The following RBM20 variants were observed in gnomAD, a reference collection of about 807,000 sequenced individuals.
RBM20 encodes the protein RNA-binding protein 20.
Under a neutral mutation model 110.1 loss-of-function variants are expected in RBM20, and 51 were observed. The ratio of observed to expected loss-of-function variants is 0.46; its 90% CI spans 0.37 to 0.59. The LOEUF (loss-of-function observed/expected upper bound fraction) is 0.59, where lower values mean the gene tolerates loss of function less well. Among genes scored for constraint, RBM20 ranks in the 20% least tolerant of loss-of-function variants. The pLI is 0.00. For synonymous variants in RBM20, 589 were observed against 618.2 expected, an observed-to-expected ratio of 0.95 and a Z score of 0.70; for missense variants, 1,512 against 1,574.9, an observed-to-expected ratio of 0.96 and a Z score of 0.68.
In RBM20 at chr10:110,705,004, T is replaced by C. The variant is rs1862814996; in HGVS notation, c.191+60359T>C. ...AGTGATAAATCCCTTTGAAAGGGTA[T>C]ACTTTTCTTACAAGAAGAAAACAGA... is the stretch of plus-strand genomic sequence containing the variant. On this transcript the variant is annotated intron_variant, in intron 1 of 13. Transcript: ENST00000369519. Among the ~76,000 whole-genome samples, 3 of 152,264 alleles carry C rather than the reference T, an allele frequency of 2.0e-5. No individual in the cohort carries two copies. The South Asian group carries it at 6.2e-4, about 31-fold the overall frequency.
At chr10:110,771,142 A>ACTC (rs1223417683) in intron 1 of RBM20, among the ~76,000 whole-genome samples, 1 of 152,076 alleles carries the variant, frequency 6.6e-6, no homozygotes, top group Admixed American at 6.6e-5. Flanking sequence ...TCCATGGATA[A>ACTC]ATTTTTTTTT....
intron 1 of RBM20, among the ~76,000 whole-genome samples, chr10:110,776,266 CT>C: frequency 1.3e-5 from 2 of 152,344 alleles, no homozygotes; most frequent in East Asian, 3.9e-4. Context: ...CTACCACCGC[CT>C]CTCTAGTGGA....
intron 1 of RBM20, among the ~76,000 whole-genome samples, chr10:110,659,686 C>G (rs1273857045): frequency 6.6e-6 from 1 of 151,688 alleles, no homozygotes; most frequent in Admixed American, 6.6e-5. Context: ...AAGCTAGCAT[C>G]TGCCTATTTC....
At position 110,821,592 on chromosome 10, in the gene RBM20, T is replaced by C. The variant is rs778327777; in HGVS notation, c.2973T>C (p.Cys991=). The C allele has an allele frequency of 3.9e-6, 6 of 1,551,192 alleles. No homozygotes were observed. In the South Asian group the frequency reaches 7.1e-5, roughly 18 times the overall value. The change falls in exon 11 of 14, where the codon TGT becomes TGC. Residue 991 remains cysteine, a synonymous_variant. Coordinates refer to ENST00000369519, the MANE Select transcript of RBM20 (RefSeq NM_001134363.3). ...PRELPSASTS[C]PSDMDVEMPG... is the part of the protein sequence containing the mutation. ...AACTGCCCTCTGCTTCCACAAGCTG[T>C]CCCAGTGACATGGACGTGGAAATGC...
rs763402294 is a variant in RBM20, at chr10:110,785,368, C to CT, written c.1527+480dup. Among the ~76,000 whole-genome samples the CT allele has an allele frequency of 5.3e-5, 8 of 152,226 alleles. No homozygotes were observed. In the East Asian group the frequency reaches 5.8e-4, roughly 11 times the overall value. The stretch of plus-strand genomic sequence containing the variant: ...GACCAGAAGTGAGGTGAGCATGTGA[C>CT]TCAGGCAGCCAAGGAGATCATCACA... On this transcript the variant is annotated intron_variant, in intron 5 of 13. Transcript: ENST00000369519.
intron 1 of RBM20, among the ~76,000 whole-genome samples, chr10:110,651,515 C>T (rs1861948852): frequency 1.3e-5 from 2 of 152,192 alleles, no homozygotes; most frequent in Non-Finnish European, 2.9e-5. Flanking sequence ...GAAAGTAGCA[C>T]TTTCAGCTTG....
At chr10:110,725,760 G>A (rs528368545) in intron 1 of RBM20, among the ~76,000 whole-genome samples, 16 of 152,348 alleles carry the variant, frequency 1.1e-4, no homozygotes, top group South Asian at 4.1e-4. Context: ...GGGAGGCAGC[G>A]TTAAATCTGT....
intron 1 of RBM20, among the ~76,000 whole-genome samples, chr10:110,684,436 AAAAAG>A (rs1440235712): frequency 1.3e-5 from 2 of 151,896 alleles, no homozygotes; most frequent in Non-Finnish European, 2.9e-5. Flanking sequence ...AAAGAAAAAG[AAAAAG>A]AAAACAGAAA....
At chr10:110,818,951 A>G (rs1240603267) in intron 9 of RBM20, among the ~76,000 whole-genome samples, 1 of 152,268 alleles carries the variant, frequency 6.6e-6, no homozygotes, top group Non-Finnish European at 1.5e-5. Context: ...CACTGGAAAC[A>G]AAGGACTTTA....
chr10:110,750,852 G>T (rs1031146483), intron 1 of RBM20, among the ~76,000 whole-genome samples: 7 of 152,110 alleles, frequency 4.6e-5, no homozygotes, highest in African/African-American at 1.4e-4. Context: ...GATGAAGGAA[G>T]GGTGCGATGG....
At chr10:110,770,037 T>C (rs191557379) in intron 1 of RBM20, among the ~76,000 whole-genome samples, 586 of 152,200 alleles carry the variant, frequency 3.9e-3, no homozygotes, top group Middle Eastern at 0.01. Context: ...TATACATTCT[T>C]AGGGTTGGAA....
intron 1 of RBM20, among the ~76,000 whole-genome samples, chr10:110,747,564 C>T (rs1233829082): frequency 6.6e-6 from 1 of 152,174 alleles, no homozygotes; most frequent in Non-Finnish European, 1.5e-5. Flanking sequence ...TTGTCTTAAT[C>T]GTGGGTTACA....
chr10:110,795,783 A>T (rs1844543057), intron 5 of RBM20, among the ~76,000 whole-genome samples: 1 of 152,230 alleles, frequency 6.6e-6, no homozygotes, highest in African/African-American at 2.4e-5. Context: ...TGACCCTCCC[A>T]GAGATTCCAG....
At chr10:110,801,111 A>G (rs1844616852) in intron 7 of RBM20, among the ~76,000 whole-genome samples, 1 of 152,112 alleles carries the variant, frequency 6.6e-6, no homozygotes, top group African/African-American at 2.4e-5. Flanking sequence ...AGTTGTCTCA[A>G]ATTTATACTC....
intron 1 of RBM20, among the ~76,000 whole-genome samples, chr10:110,650,796 G>T (rs1398276260): frequency 6.6e-6 from 1 of 152,132 alleles, no homozygotes; most frequent in Non-Finnish European, 1.5e-5. Flanking sequence ...TTTAAGTTTT[G>T]TTAGGCCTGC....
rs536200247 is a variant in RBM20 at position 110,662,453 on chromosome 10, G to A, written c.191+17808G>A. On this transcript the variant is annotated intron_variant, in intron 1 of 13. Coordinates refer to ENST00000369519, the MANE Select transcript of RBM20 (RefSeq NM_001134363.3). ...TCCTCGGTCTAAAATGTAGAGAATTGAATCAGATGGCTTTCATTCACATTT... is the reference window on the plus strand; with the variant it reads ...TCCTCGGTCTAAAATGTAGAGAATTAAATCAGATGGCTTTCATTCACATTT... Among the ~76,000 whole-genome samples, 3 of 152,310 alleles carry A rather than the reference G, an allele frequency of 2.0e-5. No homozygotes were observed. In the East Asian group the frequency reaches 5.8e-4, roughly 29 times the overall value.
At position 110,693,192 on chromosome 10, in the gene RBM20, A is replaced by C. The variant is rs1267957060; in HGVS notation, c.191+48547A>C. 3.9e-5 allele frequency among the ~76,000 whole-genome samples: 6 copies of C among 152,096 alleles called. 1 individual carries two copies. The highest frequency in any genetic ancestry group is 9.7e-5 in the African/African-American group (4 of 41,448). The stretch of plus-strand genomic sequence containing the variant: ...ATTTTGTTGAGGATTTTTGCATCAT[A>C]TTCATAATGGATGTTGTTCTATCAT... On this transcript the variant is annotated intron_variant, in intron 1 of 13. Coordinates refer to ENST00000369519, the MANE Select transcript of RBM20 (RefSeq NM_001134363.3).
intron 1 of RBM20, among the ~76,000 whole-genome samples, chr10:110,673,235 G>A (rs554185422): frequency 6.6e-6 from 1 of 150,670 alleles, no homozygotes; most frequent in East Asian, 1.9e-4. Context: ...TTTCTGAGAC[G>A]GAGTCTTGTT....
At chr10:110,830,047 C>G (rs1845029619) in intron 12 of RBM20, among the ~76,000 whole-genome samples, 1 of 152,254 alleles carries the variant, frequency 6.6e-6, no homozygotes, top group African/African-American at 2.4e-5. Context: ...GCCTGGTAAA[C>G]AGGGCATGTG....
Sources: allele counts gnomAD v4.1 joint callset (sites outside exome capture counted in the v4.1 genomes callset), GRCh38; gene constraint gnomAD v4.1.1; transcripts MANE v1.5; gene names NCBI Gene and HGNC (gene_info 2026-07-23, HGNC 2026-07-21).